Variants in SOHLH2 observed in about 807,000 individuals in gnomAD.
The protein encoded by SOHLH2 is spermatogenesis- and oogenesis-specific basic helix-loop-helix-containing protein 2.
Under a neutral mutation model 50.4 loss-of-function variants are expected in SOHLH2, and 22 were observed. That is an observed-to-expected ratio of 0.44 (90% confidence interval 0.31 to 0.62). SOHLH2 has a LOEUF of 0.62. Among genes scored for constraint, SOHLH2 ranks in the 20% least tolerant of loss-of-function variants. The pLI, the probability that SOHLH2 is intolerant of heterozygous loss-of-function variation, is 0.08. For synonymous variants in SOHLH2, 185 were observed against 187.3 expected (o/e 0.99, Z 0.10); for missense variants, 412 against 504.4 (o/e 0.82, Z 1.76).
chr13:36,187,715 G>A (rs558521380), intron 6 of SOHLH2, among the ~76,000 whole-genome samples: 1 of 152,290 alleles, frequency 6.6e-6, no homozygotes, highest in African/African-American at 2.4e-5. Flanking sequence ...TTCACATTGA[G>A]CCTAAACTCC....
At chr13:36,201,378 G>A (rs535202433) in intron 2 of SOHLH2, among the ~76,000 whole-genome samples, 5 of 151,962 alleles carry the variant, frequency 3.3e-5, no homozygotes, top group East Asian at 3.9e-4. Flanking sequence ...ATTCTAATCC[G>A]TACCTATTTT....
intron 1 of SOHLH2, among the ~76,000 whole-genome samples, chr13:36,206,538 A>G (rs1030662730): frequency 4.6e-5 from 7 of 152,044 alleles, no homozygotes; most frequent in African/African-American, 1.4e-4. Flanking sequence ...TGCATTGTCA[A>G]CAATGAATGT....
At chr13:36,177,541 CTCT>C (rs1887126212) in intron 6 of SOHLH2, among the ~76,000 whole-genome samples, 1 of 152,096 alleles carries the variant, frequency 6.6e-6, no homozygotes, top group African/African-American at 2.4e-5. Context: ...TGTATCAGAC[CTCT>C]TGTTCCAAAT....
chr13:36,192,416 G>C (rs1212867342), intron 4 of SOHLH2, among the ~76,000 whole-genome samples: 1 of 152,096 alleles, frequency 6.6e-6, no homozygotes, highest in Non-Finnish European at 1.5e-5. Flanking sequence ...AATAAGAAGA[G>C]GTTGCAAAAG....
chr13:36,174,260 G>C (rs543634286), intron 8 of SOHLH2, among the ~76,000 whole-genome samples: 6 of 152,282 alleles, frequency 3.9e-5, no homozygotes, highest in African/African-American at 1.4e-4. Context: ...GGAGAAGCAA[G>C]GGTGAGTCAC....
At position 36,196,124 on chromosome 13, in the gene SOHLH2, ATAAT is replaced by A. The variant is rs1593952568; in HGVS notation, c.264-2261_264-2258del. 9.7e-3 allele frequency among the ~76,000 whole-genome samples: 1,295 copies of A among 134,160 alleles called. 6 individuals are homozygous for A. The highest frequency in any genetic ancestry group is 0.013 in the Non-Finnish European group (842 of 62,770). 88.0% of individuals were successfully genotyped at this position (134,160 alleles called of 152,430 possible). ...GATAGATAGATAGATAGATAGATAG[ATAAT>A]TTTTTTTTTTTTTTTGAGACAAGGT... On this transcript the variant is annotated intron_variant, in intron 2 of 10. Coordinates refer to ENST00000379881, the MANE Select transcript of SOHLH2 (RefSeq NM_017826.3).
rs1887831043 is a variant in SOHLH2 at position 36,199,399 on chromosome 13, G to A, written c.263+2480C>T. On this transcript the variant is annotated intron_variant, in intron 2 of 10. Transcript: ENST00000379881. ...CTAGAAGGCATTGCCTGCCTAGGAT[G>A]GCGCTTCTCCCACCCATCCATACAG... Among the ~76,000 whole-genome samples the A allele has an allele frequency of 2.0e-5, 3 of 152,156 alleles. No homozygotes were observed. In the South Asian group the frequency reaches 6.2e-4, roughly 31 times the overall value.
intron 5 of SOHLH2, among the ~76,000 whole-genome samples, chr13:36,191,352 T>A (rs191140277): frequency 2.6e-4 from 39 of 152,248 alleles, no homozygotes; most frequent in Non-Finnish European, 5.3e-4. Flanking sequence ...TTTCAATAAC[T>A]GGGTGGATAG....
At chr13:36,185,274 C>T (rs1388999452) in intron 6 of SOHLH2, among the ~76,000 whole-genome samples, 5 of 152,100 alleles carry the variant, frequency 3.3e-5, no homozygotes. Context: ...TGAGATCAGC[C>T]TGGCCAACAT....
At chr13:36,202,232 T>C in intron 1 of SOHLH2, 139 bp from the exon 2 acceptor site, 1 of 1,065,334 alleles carries the variant, frequency 9.4e-7, no homozygotes, top group Non-Finnish European at 1.3e-6. Context: ...GGCTAGATGG[T>C]CAACTATAAG....
At chr13:36,172,785 T>A (rs1325259569) in intron 9 of SOHLH2, among the ~76,000 whole-genome samples, 1 of 152,010 alleles carries the variant, frequency 6.6e-6, no homozygotes, top group Non-Finnish European at 1.5e-5. Context: ...ACAAGGGAGG[T>A]GCTTGGTGAG....
chr13:36,178,098 AT>A (rs1887141080), intron 6 of SOHLH2, among the ~76,000 whole-genome samples: 1 of 151,702 alleles, frequency 6.6e-6, no homozygotes, highest in African/African-American at 2.4e-5. Flanking sequence ...TATTACATAT[AT>A]TAAAAATTCT....
rs1295229157 is a variant in SOHLH2 at position 36,170,794 on chromosome 13, T to C, written c.1001-7A>G. On this transcript the variant is annotated splice_polypyrimidine_tract_variant and splice_region_variant and intron_variant, in intron 9 of 10. Transcript: ENST00000379881. ...GAGGCGGAGCTTGATGGAACTTTAATGAGAAAGAAAACAAATATGGGTCAG... is the reference window on the plus strand; with the variant it reads ...GAGGCGGAGCTTGATGGAACTTTAACGAGAAAGAAAACAAATATGGGTCAG... 1 of 1,609,364 alleles carries C rather than the reference T, an allele frequency of 6.2e-7. No individual in the cohort carries two copies. The highest frequency in any genetic ancestry group is 2.2e-5 in the East Asian group (1 of 44,774).
intron 6 of SOHLH2, among the ~76,000 whole-genome samples, chr13:36,177,249 G>C (rs1171774009): frequency 6.6e-6 from 1 of 151,998 alleles, no homozygotes; most frequent in Non-Finnish European, 1.5e-5. Context: ...AACCATATCA[G>C]CAGTTTGCTC....
At chr13:36,174,406 T>C in intron 8 of SOHLH2, 70 bp downstream of exon 8, 1 of 1,590,874 alleles carries the variant, frequency 6.3e-7, no homozygotes, top group African/African-American at 1.4e-5. Flanking sequence ...AGTTTTTGTG[T>C]ACATATTTAG....
intron 2 of SOHLH2, 110 bp from the exon 3 acceptor site, chr13:36,193,977 T>A (rs1357802760): frequency 9.9e-7 from 1 of 1,013,666 alleles, no homozygotes; most frequent in Admixed American, 3.1e-5. Context: ...TTCATTTCTT[T>A]AGAATTTAAA....
chr13:36,182,443 T>A, intron 6 of SOHLH2: 1 of 227,562 alleles, frequency 4.4e-6, no homozygotes, highest in Non-Finnish European at 7.3e-6. Context: ...ATGACAGTTC[T>A]GGGACCAGCA....
chr13:36,183,923 G>T (rs1274172912), intron 6 of SOHLH2, among the ~76,000 whole-genome samples: 5 of 152,030 alleles, frequency 3.3e-5, no homozygotes, highest in African/African-American at 1.2e-4. Flanking sequence ...CAGGAAGAAA[G>T]GGAAAAAGAG....
At chr13:36,175,608 A>T (rs1260085591) in intron 6 of SOHLH2, among the ~76,000 whole-genome samples, 4 of 152,220 alleles carry the variant, frequency 2.6e-5, no homozygotes, top group Admixed American at 6.5e-5. Context: ...TTTTGTGCTG[A>T]ATACTACCTT....
Sources: allele counts gnomAD v4.1 joint callset (sites outside exome capture counted in the v4.1 genomes callset), GRCh38; gene constraint gnomAD v4.1.1; transcripts MANE v1.5; gene names NCBI Gene and HGNC (gene_info 2026-07-23, HGNC 2026-07-21).